The following TRIP12 variants were observed in gnomAD, a reference collection of about 807,000 sequenced individuals.
TRIP12 encodes thyroid hormone receptor interactor 12.
In TRIP12, 25 loss-of-function variants were observed where a neutral mutation model predicts 244.2. The observed-to-expected ratio is 0.10, with a 90% CI of 0.07 to 0.14. The LOEUF (loss-of-function observed/expected upper bound fraction) is 0.14. Ranked by LOEUF, TRIP12 falls within the 10% of genes least tolerant of loss-of-function variation. TRIP12 has a pLI of 1.00. For missense variants in TRIP12, 1,677 were observed against 2,486.4 expected, an observed-to-expected ratio of 0.67 and a Z score of 6.92; for synonymous variants, 905 against 873.1, an observed-to-expected ratio of 1.04 and a Z score of -0.64.
At chr2:229,879,951 A>C in intron 2 of TRIP12, 31 bp downstream of exon 2, 1 of 1,610,576 alleles carries the variant, frequency 6.2e-7, no homozygotes, top group Non-Finnish European at 8.5e-7. Flanking sequence ...TTTATTCCCA[A>C]TTCCTTTTCA....
At chr2:229,791,306 G>C (rs1230946579) in intron 29 of TRIP12, 55 bp from the exon 30 acceptor site, 17 of 1,599,096 alleles carry the variant, frequency 1.1e-5, no homozygotes, top group Non-Finnish European at 8.6e-7. Flanking sequence ...CTGATACAAA[G>C]CCAAAATCTA....
At chr2:229,841,060 G>T in intron 4 of TRIP12, 133 bp from the exon 5 acceptor site, 2 of 646,688 alleles carry the variant, frequency 3.1e-6, no homozygotes, top group Non-Finnish European at 5.2e-6. Context: ...AGTATTACTA[G>T]CTTTATTTCC....
chr2:229,916,680 A>T (rs144408768), intron 1 of TRIP12, among the ~76,000 whole-genome samples: 2,394 of 152,330 alleles, frequency 0.016, 38 homozygotes, highest in Non-Finnish European at 0.025. Context: ...AGTTTAATGA[A>T]ATCACTGAAA....
intron 4 of TRIP12, among the ~76,000 whole-genome samples, chr2:229,856,410 C>T (rs1330692503): frequency 6.6e-6 from 1 of 152,166 alleles, no homozygotes; most frequent in East Asian, 1.9e-4. Context: ...CTGATTGAAA[C>T]ACCAAGGAGA....
intron 15 of TRIP12, among the ~76,000 whole-genome samples, chr2:229,809,636 G>C (rs186787101): frequency 2.0e-5 from 3 of 152,286 alleles, no homozygotes; most frequent in African/African-American, 7.2e-5. Context: ...TAAGTAAAAT[G>C]AATTGCGGAT....
chr2:229,872,060 T>C (rs1423516540), intron 2 of TRIP12, among the ~76,000 whole-genome samples: 1 of 122,712 alleles, frequency 8.1e-6, no homozygotes, highest in Non-Finnish European at 1.6e-5. Flanking sequence ...CGGAAAATTA[T>C]AGAGACATTA....
rs1337513452 is a variant in TRIP12, at chr2:229,765,367, G to T, written c.*2187C>A. On this transcript the variant is annotated 3_prime_UTR_variant, in exon 42 of 42. Coordinates refer to ENST00000675903, the MANE Select transcript of TRIP12 (RefSeq NM_001348323.3). Reference sequence around the variant, plus strand: ...TACTTTTTCCCTCTGGTGCAATAAGGCCTCTGCCAAGAGAGATTACTTTAA... The same window carrying T: ...TACTTTTTCCCTCTGGTGCAATAAGTCCTCTGCCAAGAGAGATTACTTTAA... 6.6e-6 allele frequency: 1 copy of T among 152,140 alleles called. No homozygotes were observed. The highest frequency in any genetic ancestry group is 6.5e-5 in the Admixed American group (1 of 15,270). The allele number at this position is 152,140 out of a possible 1,614,324, so 9.4% of individuals were successfully genotyped here.
In TRIP12 at chr2:229,814,738, G is replaced by A. The variant is rs188570437; in HGVS notation, c.1731+361C>T. 3.1e-3 allele frequency among the ~76,000 whole-genome samples: 478 copies of A among 152,220 alleles called. 2 individuals are homozygous for A. The highest frequency in any genetic ancestry group is 0.011 in the African/African-American group (456 of 41,552). ...GACAGACCAAAAACACAATTTACTA[G>A]AAACCATATGAAAATTTCTATTCCC... On this transcript the variant is annotated intron_variant, in intron 11 of 41. Transcript: ENST00000675903.
intron 4 of TRIP12, among the ~76,000 whole-genome samples, chr2:229,849,248 T>C (rs1454811158): frequency 6.6e-6 from 1 of 152,098 alleles, no homozygotes; most frequent in Non-Finnish European, 1.5e-5. Flanking sequence ...CAAAAATGTG[T>C]GAGAAAGGAA....
At chr2:229,800,832 G>C (rs1445602026) in intron 21 of TRIP12, among the ~76,000 whole-genome samples, 1 of 152,106 alleles carries the variant, frequency 6.6e-6, no homozygotes, top group Non-Finnish European at 1.5e-5. Context: ...GGAGGCCAAG[G>C]TAGGGAGGGT....
rs1204534135 is a variant in TRIP12, at chr2:229,767,653, C to T, written c.6105G>A (p.Val2035=). The T allele has an allele frequency of 6.2e-7, 1 of 1,614,180 alleles. No individual in the cohort carries two copies. The highest frequency in any genetic ancestry group is 8.5e-7 in the Non-Finnish European group (1 of 1,180,030). The change falls in exon 42 of 42, where the codon GTG becomes GTA. Residue 2035 remains valine, a synonymous_variant. Coordinates refer to ENST00000675903, the MANE Select transcript of TRIP12 (RefSeq NM_001348323.3). ...DDFLPSVMTC[V]NYLKLPDYSS... is the part of the protein sequence containing the mutation. ...AATAGTCCGGCAACTTAAGATAGTTCACACAAGTCATTACAGAGGGCAAGA... is the reference window on the plus strand; with the variant it reads ...AATAGTCCGGCAACTTAAGATAGTTTACACAAGTCATTACAGAGGGCAAGA...
At chr2:229,922,581 A>G (rs769504180), upstream of TRIP12, 61 of 1,613,936 alleles carry the variant, frequency 3.8e-5, no homozygotes, top group Non-Finnish European at 4.4e-5. Flanking sequence ...AGCAAAGACT[A>G]TTACCAGTTA....
intron 2 of TRIP12, among the ~76,000 whole-genome samples, chr2:229,871,233 GAAGA>G (rs905606664): frequency 6.6e-6 from 1 of 151,866 alleles, no homozygotes; most frequent in East Asian, 1.9e-4. Context: ...GGAAAGAAAA[GAAGA>G]AAGAAAAGAG....
chr2:229,869,920 A>G (rs2062235920), intron 2 of TRIP12, among the ~76,000 whole-genome samples: 1 of 152,210 alleles, frequency 6.6e-6, no homozygotes, highest in African/African-American at 2.4e-5. Flanking sequence ...GCACATACAC[A>G]GTAGTTGGCA....
At chr2:229,837,078 C>T (rs2055019069) in intron 5 of TRIP12, 94 bp from the exon 6 acceptor site, 1 of 1,291,174 alleles carries the variant, frequency 7.7e-7, no homozygotes. Flanking sequence ...AGCACAAAGC[C>T]AGTTTCTTCT....
chr2:229,802,074 G>A (rs1027589406), intron 21 of TRIP12, among the ~76,000 whole-genome samples, 178 bp downstream of exon 21: 1 of 152,056 alleles, frequency 6.6e-6, no homozygotes, highest in Non-Finnish European at 1.5e-5. Flanking sequence ...CCTAAACACA[G>A]CCCAATACAG....
In TRIP12 at chr2:229,815,294, C is replaced by A; in HGVS notation, c.1614G>T (p.Gln538His). 2 of 1,452,522 alleles carry A rather than the reference C, an allele frequency of 1.4e-6. No homozygotes were observed. Among genetic ancestry groups the A allele is most frequent in the South Asian group, 1.2e-5 (1 of 85,106 alleles). The allele number at this position is 1,452,522 out of a possible 1,614,324, so 90.0% of individuals were successfully genotyped here. Reference sequence around the variant, plus strand: ...TTACAATATCAAAATTGTGCTCCATCTGAAGTAACGTAATCTGTTAAAAAG... The same window carrying A: ...TTACAATATCAAAATTGTGCTCCATATGAAGTAACGTAATCTGTTAAAAAG... ...SVVPALITLL[Q>H]MEHNFDIMNH... The change falls in exon 10 of 42, where the codon CAG becomes CAT. Residue 538 changes from glutamine to histidine, a missense_variant. By Grantham distance (24) the Gln-to-His change is conservative. Around this residue, in one of 11 missense-constraint regions of TRIP12, gnomAD observed 572 missense variants for 867.8 expected, o/e 0.66. Transcript: ENST00000675903.
chr2:229,894,187 T>A (rs980436384), intron 1 of TRIP12, among the ~76,000 whole-genome samples: 3 of 152,142 alleles, frequency 2.0e-5, no homozygotes, highest in Non-Finnish European at 4.4e-5. Context: ...CTGCTGGGTG[T>A]GTAGTAGTAT....
intron 2 of TRIP12, among the ~76,000 whole-genome samples, chr2:229,879,459 A>G (rs957402008): frequency 6.6e-6 from 1 of 152,182 alleles, no homozygotes; most frequent in African/African-American, 2.4e-5. Flanking sequence ...TACTCCAACT[A>G]AAAAGAAACA....
Sources: allele counts gnomAD v4.1 joint callset (sites outside exome capture counted in the v4.1 genomes callset), GRCh38; gene constraint gnomAD v4.1.1; regional missense constraint gnomAD v4.1.1; transcripts MANE v1.5; gene names NCBI Gene and HGNC (gene_info 2026-07-23, HGNC 2026-07-21).